DEF8: variants seen among roughly 807,000 people sequenced by gnomAD.
DEF8 encodes the protein DEF-8.
In DEF8, 38 loss-of-function variants were observed where a neutral mutation model predicts 59.1. The observed-to-expected ratio is 0.64, with a 90% CI of 0.50 to 0.84. DEF8 has a LOEUF of 0.84. DEF8 is among the 40% of genes least tolerant of loss of function. DEF8 has a pLI of 0.00. For missense variants in DEF8, 557 were observed against 615.2 expected, an observed-to-expected ratio of 0.91 and a Z score of 1.00; for synonymous variants, 265 against 250.1, an observed-to-expected ratio of 1.06 and a Z score of -0.56.
rs758505002 is a variant in DEF8, at chr16:89,964,563, C to T, written c.1241C>T (p.Ala414Val). ...SHTSVCADCS[A>V]VFHRDCYYDN... ...ACGTCTGTGTGCGCCGACTGCTCCG[C>T]GGTCTTCCACAGGTGGGTGTGGCCT... Residue 414 changes from alanine to valine, a missense_variant, in exon 12 of 13, where the codon GCG becomes GTG. Transcript: ENST00000563594. 7.6e-6 allele frequency: 12 copies of T among 1,569,992 alleles called. No homozygotes were observed. Among genetic ancestry groups the T allele is most frequent in the African/African-American group, 1.4e-5 (1 of 73,686 alleles).
At chr16:89,965,698 G>A (rs2034549050) in intron 12 of DEF8, among the ~76,000 whole-genome samples, 163 bp from the exon 13 acceptor site, 1 of 152,116 alleles carries the variant, frequency 6.6e-6, no homozygotes, top group African/African-American at 2.4e-5. Context: ...GCCCGTAAGC[G>A]CTCTGCACAC....
In DEF8 at chr16:89,964,522, C is replaced by T. The variant is rs528501697; in HGVS notation, c.1200C>T (p.Phe400=). The T allele has an allele frequency of 5.6e-6, 9 of 1,597,350 alleles. No homozygotes were observed. Among genetic ancestry groups the T allele is most frequent in the Non-Finnish European group, 7.7e-6 (9 of 1,172,556 alleles). ...TCTGCAGAGAGGGCGACGTGCTGTT[C>T]CCGTTCGACAGCCACACGTCTGTGT... ...CELCREGDVL[F]PFDSHTSVCA... is the part of the protein sequence containing the mutation. The change falls in exon 12 of 13, where the codon TTC becomes TTT. Residue 400 remains phenylalanine (F), a synonymous_variant. Coordinates refer to ENST00000563594, the MANE Select transcript of DEF8 (RefSeq NM_001242818.2).
intron 7 of DEF8, among the ~76,000 whole-genome samples, chr16:89,961,360 G>A (rs1017033883): frequency 1.3e-5 from 2 of 152,236 alleles, no homozygotes; most frequent in Non-Finnish European, 2.9e-5. Flanking sequence ...GCCTCCCCGT[G>A]TGAAAGCCTC....
In DEF8 at chr16:89,955,178, C is replaced by T. The variant is rs778532828; in HGVS notation, c.134C>T (p.Pro45Leu). ...VPDVTPEEAL[P>L]ELPPGEPEFR... The stretch of plus-strand genomic sequence containing the variant: ...CCCCGTCTTCCTCCAGAGGCCCTGC[C>T]TGAGCTGCCCCCTGGGGAGCCGGAA... Residue 45 changes from proline to leucine, a missense_variant, in exon 4 of 13, where the codon CCT (proline) becomes CTT (leucine). Coordinates refer to ENST00000563594, the MANE Select transcript of DEF8 (RefSeq NM_001242818.2). 1 of 1,613,204 alleles carries T rather than the reference C, an allele frequency of 6.2e-7. No homozygotes were observed. Among genetic ancestry groups the T allele is most frequent in the East Asian group, 2.2e-5 (1 of 44,892 alleles).
In DEF8 at chr16:89,958,506, A is replaced by G. The variant is rs74037143; in HGVS notation, c.373-508A>G. On this transcript the variant is annotated intron_variant, in intron 5 of 12. Transcript: ENST00000563594. ...CTGATTCAGGTATCCCTGGGAATGT[A>G]GAAAGTAGAATATTCATGAGGAAAC... 413 of 167,056 alleles carry G rather than the reference A, an allele frequency of 2.5e-3. 1 individual carries two copies. The highest frequency in any genetic ancestry group is 9.5e-3 in the African/African-American group (397 of 41,774). 10.3% of individuals were successfully genotyped at this position (167,056 alleles called of 1,614,324 possible).
intron 4 of DEF8, 83 bp from the exon 5 acceptor site, chr16:89,957,428 C>G (rs1236580059): frequency 1.1e-5 from 16 of 1,449,432 alleles, no homozygotes; most frequent in Non-Finnish European, 1.4e-5. Context: ...GGGGTCTGCT[C>G]TGGGCCTGTC....
rs780046628 is a variant in DEF8 at position 89,957,674 on chromosome 16, C to T, written c.372+14C>T. ...CAGGAGCTGAAGGTGGGTGTGGGGC[C>T]GCCCCGCCGTGGGGCAGCCTGGGGC... On this transcript the variant is annotated intron_variant, in intron 5 of 12. Transcript: ENST00000563594. The T allele has an allele frequency of 9.8e-6, 15 of 1,535,966 alleles. No individual in the cohort carries two copies. The highest frequency in any genetic ancestry group is 4.0e-5 in the Admixed American group (2 of 50,322).
At chr16:89,950,040 G>A in intron 2 of DEF8, 2 of 1,009,950 alleles carry the variant, frequency 2.0e-6, no homozygotes, top group Non-Finnish European at 2.4e-6. Context: ...CAGTAAATAG[G>A]CAAATAAAAG....
chr16:89,954,324 G>C lies in DEF8; in HGVS notation c.72G>C (p.Pro24=). ...HLNPFNKQSG[P]RQHEQGPGEE... ...ACCCCTTCAACAAGCAGTCTGGGCCGAGACAGCATGAGCAGGGCCCTGGGG... is the reference window on the plus strand; with the variant it reads ...ACCCCTTCAACAAGCAGTCTGGGCCCAGACAGCATGAGCAGGGCCCTGGGG... Residue 24 remains proline (P), a synonymous_variant, in exon 3 of 13, where the codon CCG becomes CCC. Transcript: ENST00000563594. This position sits in a 1 kb window ranked among gnomAD's most constrained non-coding sequence, Gnocchi z 4.3. 6.2e-7 allele frequency: 1 copy of C among 1,613,832 alleles called. No individual in the cohort carries two copies. The highest frequency in any genetic ancestry group is 8.5e-7 in the Non-Finnish European group (1 of 1,179,948).
Position 89,964,307 on chromosome 16 carries a change from C to G in DEF8, c.1140C>G (p.Cys380Trp). 6.3e-7 allele frequency: 1 copy of G among 1,585,000 alleles called. No homozygotes were observed. Among genetic ancestry groups the G allele is most frequent in the Non-Finnish European group, 8.6e-7 (1 of 1,165,434 alleles). Residue 380 changes from cysteine (C) to tryptophan (W), a missense_variant, in exon 11 of 13, where the codon TGC (cysteine) becomes TGG (tryptophan). Coordinates refer to ENST00000563594, the MANE Select transcript of DEF8 (RefSeq NM_001242818.2). ...TLFAKHIKLD[C>W]ERCQAKGFVC... ...TCGCCAAGCACATCAAGCTGGACTG[C>G]GAGGTGGGCCTCTGCCCGAGGGCCG...
Position 89,949,627 on chromosome 16 carries a change from G to A in DEF8, c.-11+114G>A, listed in dbSNP as rs1349411659. 7 of 1,611,990 alleles carry A rather than the reference G, an allele frequency of 4.3e-6. No individual in the cohort carries two copies. In the South Asian group the frequency reaches 7.7e-5, roughly 18 times the overall value. On this transcript the variant is annotated intron_variant, in intron 2 of 12. Transcript: ENST00000563594. Reference sequence around the variant, plus strand: ...CTGGTGGTCACGCCGCGGGCAGGACGCGGGAGGCCAGGTCCGTGCATCCCG... The same window carrying A: ...CTGGTGGTCACGCCGCGGGCAGGACACGGGAGGCCAGGTCCGTGCATCCCG...
chr16:89,949,291 C>A, intron 1 of DEF8, 126 bp from the exon 2 acceptor site: 2 of 793,718 alleles, frequency 2.5e-6, no homozygotes, highest in Non-Finnish European at 3.9e-6. Context: ...CTCCGAGCCT[C>A]AGTTTCCCCC....
chr16:89,965,905 G>A lies in DEF8; in HGVS notation c.1298G>A (p.Arg433Gln), dbSNP rs931076476. 17 of 1,613,614 alleles carry A rather than the reference G, an allele frequency of 1.1e-5. No individual in the cohort carries two copies. Among genetic ancestry groups the A allele is most frequent in the Admixed American group, 1.7e-5 (1 of 59,978 alleles). Residue 433 changes from arginine to glutamine, a missense_variant, in exon 13 of 13, where the codon CGG becomes CAG. Arg to Gln is a conservative substitution (Grantham distance 43, BLOSUM62 1). Coordinates refer to ENST00000563594, the MANE Select transcript of DEF8 (RefSeq NM_001242818.2). ...DNSTTCPKCA[R>Q]LSLRKQSLFQ... ...TCCACCACTTGTCCCAAGTGTGCCCGGCTCAGCCTGAGGAAGCAGTCGCTC... is the reference window on the plus strand; with the variant it reads ...TCCACCACTTGTCCCAAGTGTGCCCAGCTCAGCCTGAGGAAGCAGTCGCTC...
At chr16:89,959,739 C>T (rs547057048) in intron 6 of DEF8, among the ~76,000 whole-genome samples, 3 of 152,320 alleles carry the variant, frequency 2.0e-5, no homozygotes, top group East Asian at 1.9e-4. Context: ...TCTTGTGTTC[C>T]GTCCACCTCG....
chr16:89,964,803 A>AGG (rs71391254), intron 12 of DEF8, among the ~76,000 whole-genome samples: 31 of 152,160 alleles, frequency 2.0e-4, no homozygotes, highest in Admixed American at 2.0e-3. Context: ...CTGGGGGATG[A>AGG]GGGGGCTGCC....
At chr16:89,951,600 G>C (rs574160033) in intron 2 of DEF8, among the ~76,000 whole-genome samples, 2 of 152,248 alleles carry the variant, frequency 1.3e-5, no homozygotes, top group Non-Finnish European at 2.9e-5. Flanking sequence ...TATAACACTG[G>C]TGGGAATATC....
intron 5 of DEF8, chr16:89,957,869 T>C (rs931869487): frequency 8.2e-5 from 41 of 500,022 alleles, no homozygotes; most frequent in African/African-American, 7.2e-4. Flanking sequence ...TAGACCCTCC[T>C]GTTGCAAGGA....
rs760365333 is a variant in DEF8, at chr16:89,962,160, C to T, written c.921+35C>T. 1.8e-5 allele frequency: 28 copies of T among 1,580,222 alleles called. 3 individuals are homozygous for T. In the Admixed American group the frequency reaches 2.4e-4, roughly 14 times the overall value. On this transcript the variant is annotated intron_variant, in intron 9 of 12. Transcript: ENST00000563594. ...GGGCCATGGAAGTGGGGGGCGGGGG[C>T]GCTGTGTCAGGTGGGCCCTAGGGCC...
At chr16:89,963,315 C>T in intron 9 of DEF8, 48 bp from the exon 10 acceptor site, 1 of 1,575,388 alleles carries the variant, frequency 6.3e-7, no homozygotes, top group South Asian at 1.1e-5. Flanking sequence ...ACAGGGGCCG[C>T]CCTGTGTCCT....
Sources: gnomAD v4.1 joint callset for allele counts (sites outside exome capture counted in the v4.1 genomes callset) on GRCh38, gnomAD v4.1.1 for gene constraint, Gnocchi (gnomAD v3.1) non-coding constraint, MANE v1.5 for transcripts, NCBI Gene and HGNC (gene_info 2026-07-23, HGNC 2026-07-21) for gene names.